JMY: variants seen among roughly 807,000 people sequenced by gnomAD.
JMY encodes the protein junction mediating and regulatory protein, p53 cofactor.
JMY carries 46 observed loss-of-function variants against 103.3 expected under a neutral mutation model. The observed-to-expected ratio is 0.45, with a 90% CI of 0.35 to 0.57. JMY has a LOEUF of 0.57. JMY is among the 20% of genes least tolerant of loss of function. The pLI is 0.00. For synonymous variants in JMY, 526 were observed against 489.3 expected (o/e 1.07, Z -0.99); for missense variants, 1,238 against 1,255.2 (o/e 0.99, Z 0.21).
chr5:79,290,249 A>C lies in JMY; in HGVS notation c.1335A>C (p.Glu445Asp), dbSNP rs777353146. ...AAGATCTTACTGTCAAGTACTTTGA[A>C]ATAACAGCTAAAGCTCAAAAAGGTA... ...SIQDLTVKYF[E>D]ITAKAQKAVY... The change falls in exon 3 of 11, where the codon GAA becomes GAC. Residue 445 changes from glutamate (E) to aspartate (D), a missense_variant. Transcript: ENST00000396137. 1.3e-6 allele frequency: 2 copies of C among 1,512,106 alleles called. No homozygotes were observed. The highest frequency in any genetic ancestry group is 1.4e-5 in the South Asian group (1 of 71,578). 93.7% of individuals were successfully genotyped at this position (1,512,106 alleles called of 1,614,324 possible).
chr5:79,308,693 T>G (rs1746958806), intron 7 of JMY, among the ~76,000 whole-genome samples: 1 of 152,184 alleles, frequency 6.6e-6, no homozygotes, highest in Admixed American at 6.5e-5. Context: ...TCTTTTTTGT[T>G]TTTTTCATTT....
intron 1 of JMY, among the ~76,000 whole-genome samples, chr5:79,272,822 G>A (rs1016433157): frequency 4.6e-5 from 7 of 152,094 alleles, no homozygotes; most frequent in African/African-American, 1.2e-4. Context: ...CTAGTAGTGA[G>A]ACAGGGTTTT....
chr5:79,247,664 A>G (rs1045133295), intron 1 of JMY, among the ~76,000 whole-genome samples: 1 of 150,744 alleles, frequency 6.6e-6, no homozygotes, highest in African/African-American at 2.4e-5. Context: ...TTATTTATTT[A>G]TTTTTTGAGG....
intron 1 of JMY, among the ~76,000 whole-genome samples, chr5:79,241,667 TTTTG>T (rs1237584407): frequency 6.6e-6 from 1 of 152,192 alleles, no homozygotes; most frequent in Admixed American, 6.6e-5. Context: ...CACAGGAATG[TTTTG>T]GTTTCACAGT....
intron 7 of JMY, 85 bp from the exon 8 acceptor site, chr5:79,312,318 C>A: frequency 1.3e-6 from 1 of 778,278 alleles, no homozygotes; most frequent in Non-Finnish European, 1.9e-6. Context: ...CTTTGGCCCA[C>A]ATTAGGATAA....
intron 2 of JMY, among the ~76,000 whole-genome samples, chr5:79,279,835 T>G (rs908508655): frequency 1.2e-4 from 18 of 151,900 alleles, no homozygotes; most frequent in African/African-American, 4.1e-4. Flanking sequence ...AAATTCCTGG[T>G]TTTTTTTGTT....
At chr5:79,274,133 C>CT (rs60533363) in intron 1 of JMY, among the ~76,000 whole-genome samples, 79,620 of 151,638 alleles carry the variant, frequency 0.53, 21,616 homozygotes, top group Non-Finnish European at 0.62. Context: ...CCAGCACTTT[C>CT]TTTTTTTTCT....
At chr5:79,315,008 C>CAT (rs1747173317) in intron 9 of JMY, among the ~76,000 whole-genome samples, 157 bp downstream of exon 9, 4 of 152,142 alleles carry the variant, frequency 2.6e-5, no homozygotes, top group Admixed American at 1.3e-4. Context: ...ATTCTTAGTG[C>CAT]ATAAAGTACA....
intron 1 of JMY, 35 bp from the exon 2 acceptor site, chr5:79,277,875 G>T: frequency 1.3e-6 from 2 of 1,581,180 alleles, no homozygotes; most frequent in South Asian, 2.3e-5. Flanking sequence ...TATTAGAATT[G>T]ATTTTCTTAG....
intron 1 of JMY, among the ~76,000 whole-genome samples, chr5:79,270,437 T>TTACA (rs1298811995): frequency 4.0e-5 from 3 of 75,740 alleles, no homozygotes; most frequent in East Asian, 2.9e-4. Flanking sequence ...ACATAAATAT[T>TTACA]TAAAATATAT....
In JMY at chr5:79,277,950, T is replaced by C; in HGVS notation, c.1073T>C (p.Leu358Pro). ...KHKNTESMVE[L>P]LDLYQMEDEA... is the part of the protein sequence containing the mutation. The stretch of plus-strand genomic sequence containing the variant: ...AAGAATACAGAGAGCATGGTGGAGC[T>C]TCTGGACTTGTATCAGATGGAGGAT... Residue 358 changes from leucine to proline, a missense_variant, in exon 2 of 11, where the codon CTT becomes CCT. By Grantham distance (98) the Leu-to-Pro change is moderately conservative. Coordinates refer to ENST00000396137, the MANE Select transcript of JMY (RefSeq NM_152405.5). The C allele has an allele frequency of 1.9e-6, 3 of 1,614,042 alleles. No individual in the cohort carries two copies.
chr5:79,305,371 G>C (rs1266092753), intron 6 of JMY, among the ~76,000 whole-genome samples: 1 of 152,008 alleles, frequency 6.6e-6, no homozygotes, highest in Non-Finnish European at 1.5e-5. Context: ...AGAATCTCTT[G>C]AACCTGGGAG....
rs773856782 is a variant in JMY at position 79,321,661 on chromosome 5, T to C, written c.*59T>C. 3.9e-5 allele frequency: 6 copies of C among 152,092 alleles called. No homozygotes were observed. The highest frequency in any genetic ancestry group is 8.8e-5 in the Non-Finnish European group (6 of 68,008). 9.4% of individuals were successfully genotyped at this position (152,092 alleles called of 1,614,324 possible). On this transcript the variant is annotated 3_prime_UTR_variant, in exon 11 of 11. Transcript: ENST00000396137. ...GATTGGTTCTGATTCTTTTGGAAAATGACAGTTTAAGCACTTGGTTCCTCA... is the reference window on the plus strand; with the variant it reads ...GATTGGTTCTGATTCTTTTGGAAAACGACAGTTTAAGCACTTGGTTCCTCA...
intron 1 of JMY, among the ~76,000 whole-genome samples, chr5:79,270,516 T>TTAAAATGTATATTTACATAAATATTTACA (rs1745733237): frequency 1.3e-5 from 1 of 74,298 alleles, no homozygotes; most frequent in African/African-American, 4.4e-5. Context: ...ACATAAATAT[T>TTAAAATGTATATTTACATAAATATTTACA]TAAAATATAT....
intron 8 of JMY, 71 bp downstream of exon 8, chr5:79,312,569 G>A: frequency 1.4e-6 from 1 of 714,060 alleles, no homozygotes; most frequent in Non-Finnish European, 2.1e-6. Context: ...ATATACACCT[G>A]TAGGATTTCT....
chr5:79,288,335 T>C (rs1237731608), intron 2 of JMY, among the ~76,000 whole-genome samples: 1 of 152,210 alleles, frequency 6.6e-6, no homozygotes, highest in Non-Finnish European at 1.5e-5. Context: ...ACCTCTCGCA[T>C]GCCTTTTCAG....
At chr5:79,310,746 T>C (rs577692895) in intron 7 of JMY, among the ~76,000 whole-genome samples, 30 of 152,366 alleles carry the variant, frequency 2.0e-4, no homozygotes, top group African/African-American at 6.5e-4. Flanking sequence ...TTAATACTAC[T>C]ATTTTAAATT....
At chr5:79,256,963 A>C (rs1230548118) in intron 1 of JMY, among the ~76,000 whole-genome samples, 3 of 151,492 alleles carry the variant, frequency 2.0e-5, no homozygotes, top group African/African-American at 7.3e-5. Flanking sequence ...TGCTGAAGTC[A>C]CTATACACAG....
intron 4 of JMY, among the ~76,000 whole-genome samples, chr5:79,295,889 C>CCTTA (rs1746550754): frequency 6.6e-6 from 1 of 152,252 alleles, no homozygotes; most frequent in Admixed American, 6.5e-5. Context: ...ACTCTAAAGG[C>CCTTA]CTTAGTTTAT....
Sources: gnomAD v4.1 joint callset for allele counts (sites outside exome capture counted in the v4.1 genomes callset) on GRCh38, gnomAD v4.1.1 for gene constraint, MANE v1.5 for transcripts, NCBI Gene and HGNC (gene_info 2026-07-23, HGNC 2026-07-21) for gene names.